FAM124A: variants seen among roughly 807,000 people sequenced by gnomAD.
FAM124A encodes family with sequence similarity 124 member A.
In FAM124A, 23 loss-of-function variants were observed where a neutral mutation model predicts 24.5. The ratio of observed to expected loss-of-function variants is 0.94; its 90% confidence interval spans 0.68 to 1.33. The LOEUF is 1.33. Among genes scored for constraint, FAM124A ranks in the 40% most tolerant of loss-of-function variants. The pLI is 0.00. For missense variants in FAM124A, 623 were observed against 722.8 expected (o/e 0.86, Z 1.58); for synonymous variants, 287 against 314.7 (o/e 0.91, Z 0.93).
intron 2 of FAM124A, among the ~76,000 whole-genome samples, chr13:51,249,888 C>A (rs1954600686): frequency 6.6e-6 from 1 of 152,190 alleles, no homozygotes; most frequent in African/African-American, 2.4e-5. Flanking sequence ...GCACAGTTCT[C>A]AGGGAGCATA....
chr13:51,263,559 T>G (rs1426605416), intron 3 of FAM124A, among the ~76,000 whole-genome samples: 3 of 152,202 alleles, frequency 2.0e-5, no homozygotes, highest in Non-Finnish European at 4.4e-5. Context: ...CAGTGCTTTG[T>G]AAGTAGGTGC....
chr13:51,236,513 A>G (rs1954436568), intron 2 of FAM124A, among the ~76,000 whole-genome samples: 1 of 152,242 alleles, frequency 6.6e-6, no homozygotes, highest in Admixed American at 6.5e-5. Flanking sequence ...GCTCATTGTG[A>G]TATAATTAAG....
intron 3 of FAM124A, among the ~76,000 whole-genome samples, chr13:51,274,364 A>T (rs1187116260): frequency 2.0e-5 from 3 of 152,230 alleles, no homozygotes. Flanking sequence ...TTGGAAATCC[A>T]CAATCCAAAA....
intron 2 of FAM124A, among the ~76,000 whole-genome samples, chr13:51,246,399 T>TGGGGGCG (rs200227873): frequency 1.1e-5 from 1 of 91,880 alleles, no homozygotes; most frequent in African/African-American, 3.1e-5. Context: ...ATGTTTCTCG[T>TGGGGGCG]GGGGTGGGGG....
chr13:51,229,057 C>A (rs947731406), intron 1 of FAM124A, among the ~76,000 whole-genome samples: 17 of 152,166 alleles, frequency 1.1e-4, no homozygotes, highest in Admixed American at 3.9e-4. Context: ...AATTGTGTCT[C>A]CATCATTATG....
chr13:51,228,299 C>T lies in FAM124A; in HGVS notation c.69-3049C>T, dbSNP rs185899872. Among the ~76,000 whole-genome samples the T allele has an allele frequency of 7.9e-5, 12 of 152,174 alleles. No individual in the cohort carries two copies. The East Asian group carries it at 1.9e-3, about 24-fold the overall frequency. On this transcript the variant is annotated intron_variant, in intron 1 of 3. Transcript: ENST00000322475. ...GGGTAAACTGTCTTAAGTACAGAAC[C>T]TCTATGTAATCCCTATATGTAATAT...
At position 51,283,066 on chromosome 13, in the gene FAM124A, G is replaced by A. The variant is rs1441716529; in HGVS notation, c.*1810G>A. On this transcript the variant is annotated 3_prime_UTR_variant, in exon 4 of 4. Transcript: ENST00000322475. ...CTTTATTTTTTTTTTATTTGAGACG[G>A]GGTCTTGCTCTGTTGCCCAGGCTGG... 6.6e-6 allele frequency: 1 copy of A among 151,988 alleles called. No individual in the cohort carries two copies. Among genetic ancestry groups the A allele is most frequent in the Non-Finnish European group, 1.5e-5 (1 of 68,020 alleles). The allele number at this position is 151,988 out of a possible 1,614,324, so 9.4% of individuals were successfully genotyped here.
At chr13:51,264,701 A>G (rs535288202) in intron 3 of FAM124A, among the ~76,000 whole-genome samples, 2 of 152,240 alleles carry the variant, frequency 1.3e-5, no homozygotes, top group South Asian at 4.2e-4. Context: ...TATTTATTTG[A>G]AATTCTAGTT....
At chr13:51,254,534 G>C (rs1954656816) in intron 3 of FAM124A, among the ~76,000 whole-genome samples, 1 of 152,166 alleles carries the variant, frequency 6.6e-6, no homozygotes, top group Non-Finnish European at 1.5e-5. Context: ...GATTCATGGG[G>C]GTAGGGCAGG....
intron 3 of FAM124A, among the ~76,000 whole-genome samples, chr13:51,262,630 C>T (rs946322016): frequency 3.9e-5 from 6 of 152,158 alleles, no homozygotes; most frequent in Non-Finnish European, 5.9e-5. Context: ...CCCATTCAAA[C>T]GGAAGGTCAA....
chr13:51,246,026 T>C (rs896352054), intron 2 of FAM124A, among the ~76,000 whole-genome samples: 2 of 152,334 alleles, frequency 1.3e-5, no homozygotes, highest in Admixed American at 1.3e-4. Flanking sequence ...TTTTGTGTTA[T>C]CAAAGGAAAG....
chr13:51,261,308 C>G (rs1479867566), intron 3 of FAM124A, among the ~76,000 whole-genome samples: 1 of 152,158 alleles, frequency 6.6e-6, no homozygotes, highest in Non-Finnish European at 1.5e-5. Context: ...GGAAGTGATA[C>G]TAATGTGCCT....
intron 1 of FAM124A, among the ~76,000 whole-genome samples, chr13:51,230,075 T>TTATA (rs5803560): frequency 8.4e-4 from 127 of 151,014 alleles, no homozygotes; most frequent in South Asian, 3.8e-3. Flanking sequence ...AAATATTGAA[T>TTATA]TATATATATA....
intron 2 of FAM124A, among the ~76,000 whole-genome samples, chr13:51,236,221 T>C (rs891183194): frequency 3.9e-5 from 6 of 152,156 alleles, no homozygotes; most frequent in African/African-American, 1.4e-4. Flanking sequence ...AATAGGGAAG[T>C]CCAGGTGTCT....
At chr13:51,265,420 A>G (rs1257747406) in intron 3 of FAM124A, among the ~76,000 whole-genome samples, 1 of 152,034 alleles carries the variant, frequency 6.6e-6, no homozygotes, top group East Asian at 1.9e-4. Context: ...GCACTGAGCC[A>G]GCTGACTGGG....
intron 3 of FAM124A, among the ~76,000 whole-genome samples, chr13:51,265,967 A>G (rs1467308618): frequency 6.6e-6 from 1 of 152,262 alleles, no homozygotes; most frequent in African/African-American, 2.4e-5. Flanking sequence ...AAAACTATAC[A>G]GATTATATTA....
chr13:51,237,917 G>A (rs1228951253), intron 2 of FAM124A, among the ~76,000 whole-genome samples: 1 of 152,218 alleles, frequency 6.6e-6, no homozygotes, highest in Non-Finnish European at 1.5e-5. Flanking sequence ...GGGCCCTGCT[G>A]CTGGTGGCTC....
chr13:51,242,629 T>C (rs1434995055), intron 2 of FAM124A, among the ~76,000 whole-genome samples: 1 of 152,126 alleles, frequency 6.6e-6, no homozygotes, highest in Non-Finnish European at 1.5e-5. Context: ...CCTTTTCCTA[T>C]CAGGAGAGTA....
In FAM124A at chr13:51,250,950, G is replaced by A. The variant is rs188562058; in HGVS notation, c.101-518G>A. ...TTGTGCCTCACTCCCTGTGAGGCAG[G>A]TAGGAAGGAGCCCATGAGTGTGTGT... On this transcript the variant is annotated intron_variant, in intron 2 of 3. Coordinates refer to ENST00000322475, the MANE Select transcript of FAM124A (RefSeq NM_001242312.2). Among the ~76,000 whole-genome samples the A allele has an allele frequency of 3.3e-4, 51 of 152,342 alleles. 1 individual carries two copies. The East Asian group carries it at 9.5e-3, about 28-fold the overall frequency.
Sources: gnomAD v4.1 joint callset for allele counts (sites outside exome capture counted in the v4.1 genomes callset) on GRCh38, gnomAD v4.1.1 for gene constraint, MANE v1.5 for transcripts, NCBI Gene and HGNC (gene_info 2026-07-23, HGNC 2026-07-21) for gene names.